The following HMCN1 variants were observed in gnomAD, a reference collection of about 807,000 sequenced individuals.
HMCN1 encodes hemicentin-1.
A neutral mutation model predicts 625.9 loss-of-function variants in HMCN1; 321 were observed. The ratio of observed to expected loss-of-function variants is 0.51; its 90% confidence interval spans 0.47 to 0.56. The LOEUF is 0.56. Among genes scored for constraint, HMCN1 ranks in the 20% least tolerant of loss-of-function variants. HMCN1 has a pLI of 0.00. For missense variants in HMCN1, 6,588 were observed against 6,887.3 expected, an observed-to-expected ratio of 0.96 and a Z score of 1.54; for synonymous variants, 2,425 against 2,417.6, an observed-to-expected ratio of 1.00 and a Z score of -0.09.
intron 1 of HMCN1, among the ~76,000 whole-genome samples, chr1:185,836,962 T>A (rs1661205586): frequency 6.6e-6 from 1 of 151,814 alleles, no homozygotes; most frequent in Non-Finnish European, 1.5e-5. Flanking sequence ...CATGATCTTG[T>A]CCTTTTTTAT....
intron 49 of HMCN1, 45 bp downstream of exon 49, chr1:186,065,474 T>G: frequency 7.1e-7 from 1 of 1,411,474 alleles, no homozygotes; most frequent in Non-Finnish European, 9.5e-7. Context: ...CTGACATGAC[T>G]GTAGGCTAAA....
Position 185,928,840 on chromosome 1 carries a change from G to A in HMCN1, c.1552+173G>A, listed in dbSNP as rs1050184145. Reference sequence around the variant, plus strand: ...TGTGCTCACCATGTATCAGATACACGACTCTCCTTGGGCTAATTGTTTAAG... The same window carrying A: ...TGTGCTCACCATGTATCAGATACACAACTCTCCTTGGGCTAATTGTTTAAG... On this transcript the variant is annotated intron_variant, in intron 10 of 106. Coordinates refer to ENST00000271588, the MANE Select transcript of HMCN1 (RefSeq NM_031935.3). 3.9e-5 allele frequency among the ~76,000 whole-genome samples: 6 copies of A among 151,986 alleles called. No homozygotes were observed. In the South Asian group the frequency reaches 6.2e-4, roughly 16 times the overall value.
chr1:185,978,244 T>C (rs955215503), intron 16 of HMCN1: 22 of 378,068 alleles, frequency 5.8e-5, no homozygotes, highest in African/African-American at 3.1e-4. Context: ...CCATTTCTTA[T>C]TGCAAATAGA....
intron 1 of HMCN1, among the ~76,000 whole-genome samples, chr1:185,737,939 A>G (rs1433487426): frequency 2.6e-5 from 4 of 152,188 alleles, no homozygotes; most frequent in African/African-American, 9.7e-5. Context: ...AACAAGTTGA[A>G]AATGAGATAA....
intron 1 of HMCN1, among the ~76,000 whole-genome samples, chr1:185,806,923 T>G (rs1659207566): frequency 1.3e-5 from 2 of 152,156 alleles, no homozygotes; most frequent in South Asian, 4.1e-4. Context: ...TCTTATACAT[T>G]TTTTTCTTAA....
chr1:185,878,688 A>G (rs1664105851), intron 4 of HMCN1, among the ~76,000 whole-genome samples: 1 of 152,050 alleles, frequency 6.6e-6, no homozygotes, highest in Admixed American at 6.5e-5. Context: ...TATCGACTTC[A>G]TTTTTACAGT....
chr1:186,161,567 C>T (rs1651482146), intron 97 of HMCN1, among the ~76,000 whole-genome samples: 4 of 151,926 alleles, frequency 2.6e-5, no homozygotes, highest in Admixed American at 1.3e-4. Flanking sequence ...ACCAGTTGTT[C>T]CTTTCCATGT....
intron 36 of HMCN1, among the ~76,000 whole-genome samples, chr1:186,029,567 C>T (rs1655284054): frequency 6.7e-6 from 1 of 149,764 alleles, no homozygotes; most frequent in African/African-American, 2.5e-5. Context: ...TGTAAGATTG[C>T]GGTAATGACC....
intron 4 of HMCN1, among the ~76,000 whole-genome samples, chr1:185,884,610 G>C (rs1664520148): frequency 6.6e-6 from 1 of 151,960 alleles, no homozygotes; most frequent in South Asian, 2.1e-4. Context: ...TTGCCTAATG[G>C]CTTTAGTTAT....
At position 185,771,528 on chromosome 1, in the gene HMCN1, A is replaced by G. The variant is rs577512406; in HGVS notation, c.268+36481A>G. 1.3e-3 allele frequency among the ~76,000 whole-genome samples: 193 copies of G among 152,280 alleles called. 1 individual carries two copies. The highest frequency in any genetic ancestry group is 4.4e-3 in the African/African-American group (181 of 41,552). ...ATAGCTGACTTTTTGTTATACCGCT[A>G]TTCACCTTTTGGACTTAAGCTATTT... On this transcript the variant is annotated intron_variant, in intron 1 of 106. Coordinates refer to ENST00000271588, the MANE Select transcript of HMCN1 (RefSeq NM_031935.3).
intron 1 of HMCN1, among the ~76,000 whole-genome samples, chr1:185,744,325 G>A (rs928167051): frequency 6.6e-6 from 1 of 152,118 alleles, no homozygotes; most frequent in East Asian, 1.9e-4. Flanking sequence ...ATAGGCAAAG[G>A]ATGTTTCAAA....
intron 36 of HMCN1, among the ~76,000 whole-genome samples, chr1:186,030,450 G>T (rs1271833008): frequency 6.6e-6 from 1 of 151,870 alleles, no homozygotes; most frequent in Non-Finnish European, 1.5e-5. Context: ...CTACTTTGTT[G>T]CCAGTAACAG....
At chr1:185,882,002 A>AT (rs2102392591) in intron 4 of HMCN1, among the ~76,000 whole-genome samples, 1 of 152,262 alleles carries the variant, frequency 6.6e-6, no homozygotes, top group African/African-American at 2.4e-5. Context: ...TTCATAAGAT[A>AT]TTTTTTTCTT....
chr1:185,744,517 T>A (rs553016437), intron 1 of HMCN1, among the ~76,000 whole-genome samples: 7 of 152,212 alleles, frequency 4.6e-5, no homozygotes, highest in Admixed American at 1.3e-4. Context: ...TTCAGTTATT[T>A]AGTCTATCAA....
intron 4 of HMCN1, among the ~76,000 whole-genome samples, chr1:185,868,279 C>T (rs1355291497): frequency 6.6e-6 from 1 of 152,034 alleles, no homozygotes; most frequent in Non-Finnish European, 1.5e-5. Flanking sequence ...AAACTAAGCC[C>T]TATAGAGAAA....
At chr1:186,007,609 AATTATAGAG>A (rs1226922291) in intron 30 of HMCN1, among the ~76,000 whole-genome samples, 2 of 152,184 alleles carry the variant, frequency 1.3e-5, no homozygotes, top group Non-Finnish European at 2.9e-5. Context: ...AAACTTTAAA[AATTATAGAG>A]ATTTATGAAA....
intron 105 of HMCN1, among the ~76,000 whole-genome samples, chr1:186,184,932 C>CT (rs1024888613): frequency 8.6e-5 from 13 of 151,836 alleles, no homozygotes; most frequent in African/African-American, 1.2e-4. Context: ...TTTCTGTCTT[C>CT]TTTTTTTTAA....
At chr1:185,950,597 GA>G (rs1668600806) in intron 11 of HMCN1, among the ~76,000 whole-genome samples, 2 of 151,772 alleles carry the variant, frequency 1.3e-5, no homozygotes, top group South Asian at 4.1e-4. Flanking sequence ...GAATTATGCC[GA>G]GATAGGTAAC....
At chr1:186,015,834 G>A in intron 31 of HMCN1, 124 bp from the exon 32 acceptor site, 1 of 829,722 alleles carries the variant, frequency 1.2e-6, no homozygotes, top group South Asian at 1.5e-5. Context: ...AGGGAGACAG[G>A]CATATAGGTA....
Sources: gnomAD v4.1 joint callset for allele counts (sites outside exome capture counted in the v4.1 genomes callset) on GRCh38, gnomAD v4.1.1 for gene constraint, MANE v1.5 for transcripts, NCBI Gene and HGNC (gene_info 2026-07-23, HGNC 2026-07-21) for gene names.